VAV2: variants seen among roughly 807,000 people sequenced by gnomAD.
VAV2 encodes the protein vav guanine nucleotide exchange factor 2.
Under a neutral mutation model 132.5 loss-of-function variants are expected in VAV2, and 67 were observed. The observed-to-expected ratio is 0.51, with a 90% CI of 0.42 to 0.62. The LOEUF is 0.62. Ranked by LOEUF, VAV2 falls within the 20% of genes least tolerant of loss-of-function variation. The pLI is 0.00. For synonymous variants in VAV2, 492 were observed against 443.5 expected (o/e 1.11, Z -1.37); for missense variants, 938 against 1,153.6 (o/e 0.81, Z 2.71).
At position 133,935,135 on chromosome 9, in the gene VAV2, A is replaced by T. The variant is rs913136037; in HGVS notation, c.321+3968T>A. ...TGGGCAGGCCAAGGGTGGGAGGAAC[A>T]GGGGGAGGGCACGCAGCCATATCTT... On this transcript the variant is annotated intron_variant, in intron 2 of 29. Transcript: ENST00000371850. This position sits in a 1 kb window ranked among gnomAD's most constrained non-coding sequence, Gnocchi z 5.2. 6.6e-6 allele frequency among the ~76,000 whole-genome samples: 1 copy of T among 151,930 alleles called. No individual in the cohort carries two copies. Among genetic ancestry groups the T allele is most frequent in the Non-Finnish European group, 1.5e-5 (1 of 67,962 alleles).
Position 133,769,600 on chromosome 9 carries a change from AGGCCCTTTGGC to A in VAV2, c.2348-108_2348-98del. 1 of 1,322,186 alleles carries A rather than the reference AGGCCCTTTGGC, an allele frequency of 7.6e-7. No individual in the cohort carries two copies. Among genetic ancestry groups the A allele is most frequent in the Non-Finnish European group, 1.0e-6 (1 of 958,466 alleles). The allele number at this position is 1,322,186 out of a possible 1,614,324, so 81.9% of individuals were successfully genotyped here. A position where few individuals can be genotyped will look rare whatever the true frequency, so the allele number is the denominator to read the frequency against. On this transcript the variant is annotated intron_variant, in intron 27 of 29. Transcript: ENST00000371850. This position sits in a 1 kb window ranked among gnomAD's most constrained non-coding sequence, Gnocchi z 8.1. ...CAGGCCGGGGGGCATGGGGTGGGGC[AGGCCCTTTGGC>A]AGGAGAGGCCCTACAGGGGGGCAAA... is the stretch of plus-strand genomic sequence containing the variant.
intron 7 of VAV2, 61 bp downstream of exon 7, chr9:133,808,979 G>C: frequency 6.8e-7 from 1 of 1,470,058 alleles, no homozygotes; most frequent in Non-Finnish European, 9.4e-7. Flanking sequence ...CAGGAGATAG[G>C]TGGCCCTGCA....
chr9:133,989,534 A>C, intron 1 of VAV2, among the ~76,000 whole-genome samples: 1 of 150,246 alleles, frequency 6.7e-6, no homozygotes, highest in African/African-American at 2.4e-5. Context: ...AAAAAAAAAA[A>C]AAAAGCTGGG....
Position 133,834,370 on chromosome 9 carries a change from G to C in VAV2, c.381-30C>G. ...GGAAGAGAAGGCGAGAGGGAGGTGA[G>C]CAGGTCCCGGCACTGCCGGCCAGTG... On this transcript the variant is annotated intron_variant, in intron 3 of 29. Transcript: ENST00000371850. The surrounding 1 kb of genome is among the most constrained non-coding windows in gnomAD (Gnocchi z 5.9). 1 of 1,603,556 alleles carries C rather than the reference G, an allele frequency of 6.2e-7. No homozygotes were observed. Among genetic ancestry groups the C allele is most frequent in the African/African-American group, 1.3e-5 (1 of 74,892 alleles).
At chr9:133,836,654 T>A (rs79514183) in intron 3 of VAV2, among the ~76,000 whole-genome samples, 282 of 152,338 alleles carry the variant, frequency 1.9e-3, no homozygotes, top group African/African-American at 6.1e-3. Flanking sequence ...GGTTGTGATC[T>A]TGTTCAAATC....
At chr9:133,787,617 C>A (rs1168389419) in intron 15 of VAV2, among the ~76,000 whole-genome samples, 2 of 144,946 alleles carry the variant, frequency 1.4e-5, no homozygotes, top group Admixed American at 6.8e-5. Context: ...CCCCGCCCCC[C>A]ACCCCACCAG....
intron 2 of VAV2, among the ~76,000 whole-genome samples, chr9:133,875,727 A>G (rs1838236145): frequency 6.6e-6 from 1 of 152,162 alleles, no homozygotes; most frequent in Admixed American, 6.5e-5. Context: ...CTAGCACAAG[A>G]GGCTATAGAA....
intron 6 of VAV2, among the ~76,000 whole-genome samples, chr9:133,809,939 C>G (rs901750712): frequency 6.6e-6 from 1 of 152,210 alleles, no homozygotes; most frequent in East Asian, 1.9e-4. Flanking sequence ...CCATCATCAT[C>G]CTCCAAGAAA....
At chr9:133,962,669 C>T (rs983851782) in intron 1 of VAV2, among the ~76,000 whole-genome samples, 3 of 152,220 alleles carry the variant, frequency 2.0e-5, no homozygotes, top group Admixed American at 6.5e-5. Context: ...GGGCTGTGAA[C>T]ACCAACATTT....
chr9:133,957,965 C>A (rs1054007552), intron 1 of VAV2, among the ~76,000 whole-genome samples: 2 of 148,384 alleles, frequency 1.3e-5, no homozygotes, highest in African/African-American at 4.9e-5. Context: ...GGATTAAGGG[C>A]GGTGCAGGAT....
intron 3 of VAV2, among the ~76,000 whole-genome samples, chr9:133,845,637 C>A (rs1258128092): frequency 6.6e-6 from 1 of 152,204 alleles, no homozygotes; most frequent in Non-Finnish European, 1.5e-5. Context: ...CGGGGCCTCA[C>A]GTTGGAGGAT....
intron 1 of VAV2, among the ~76,000 whole-genome samples, chr9:133,977,290 T>G (rs1353559705): frequency 6.6e-6 from 1 of 151,870 alleles, no homozygotes; most frequent in Non-Finnish European, 1.5e-5. Context: ...CTGAAGGGGG[T>G]CTTGGCTTTC....
chr9:133,921,145 TAC>T (rs747954731), intron 2 of VAV2, among the ~76,000 whole-genome samples: 66 of 152,280 alleles, frequency 4.3e-4, no homozygotes, highest in Admixed American at 9.8e-4. Flanking sequence ...CGGCGGGGGA[TAC>T]AGAGTCAGCC....
intron 1 of VAV2, among the ~76,000 whole-genome samples, chr9:133,990,105 C>G (rs1040013781): frequency 6.6e-6 from 1 of 152,152 alleles, no homozygotes; most frequent in African/African-American, 2.4e-5. Flanking sequence ...CTCTGGAGGT[C>G]GTTGCCTACC....
chr9:133,972,789 G>A (rs544561537), intron 1 of VAV2, among the ~76,000 whole-genome samples: 2 of 152,238 alleles, frequency 1.3e-5, no homozygotes, highest in African/African-American at 4.8e-5. Flanking sequence ...AGAAATGATG[G>A]CCCCACTTTA....
intron 2 of VAV2, among the ~76,000 whole-genome samples, chr9:133,875,499 G>A (rs1352952238): frequency 6.6e-6 from 1 of 152,238 alleles, no homozygotes; most frequent in Non-Finnish European, 1.5e-5. Flanking sequence ...GAGAGTCTGA[G>A]CAGCTCGAAG....
At chr9:133,975,751 A>G (rs1399140090) in intron 1 of VAV2, among the ~76,000 whole-genome samples, 4 of 152,164 alleles carry the variant, frequency 2.6e-5, no homozygotes, top group Non-Finnish European at 4.4e-5. Context: ...GCTCTAAGAG[A>G]ATATTTAAAT....
chr9:133,869,658 C>T (rs914181983), intron 2 of VAV2, among the ~76,000 whole-genome samples: 1 of 152,122 alleles, frequency 6.6e-6, no homozygotes, highest in Non-Finnish European at 1.5e-5. Flanking sequence ...GCCACACTGG[C>T]GACCATGTGA....
chr9:133,902,499 A>G (rs1289432571), intron 2 of VAV2, among the ~76,000 whole-genome samples: 1 of 152,174 alleles, frequency 6.6e-6, no homozygotes, highest in African/African-American at 2.4e-5. Context: ...GAAAATGTTC[A>G]CCCACAAACC....
Sources: allele counts gnomAD v4.1 joint callset (sites outside exome capture counted in the v4.1 genomes callset), GRCh38; gene constraint gnomAD v4.1.1; non-coding constraint Gnocchi (gnomAD v3.1); transcripts MANE v1.5; gene names NCBI Gene and HGNC (gene_info 2026-07-23, HGNC 2026-07-21).